CLVS1: variants seen among roughly 807,000 people sequenced by gnomAD.
CLVS1 encodes the protein clavesin 1.
CLVS1 carries 10 observed loss-of-function variants against 33.1 expected under a neutral mutation model. That is an observed-to-expected ratio of 0.30 (90% CI 0.19 to 0.51). The LOEUF is 0.51. CLVS1 is among the 20% of genes least tolerant of loss of function. The pLI is 0.97. For missense variants in CLVS1, 343 were observed against 433.4 expected, an observed-to-expected ratio of 0.79 and a Z score of 1.85; for synonymous variants, 163 against 166.1, an observed-to-expected ratio of 0.98 and a Z score of 0.14.
upstream of CLVS1, among the ~76,000 whole-genome samples, chr8:61,055,435 T>C (rs530976007): frequency 6.6e-6 from 1 of 152,352 alleles, no homozygotes; most frequent in Admixed American, 6.5e-5. Context: ...ACCGTATCAT[T>C]CACCCTTTTT....
At chr8:61,335,453 T>C (rs536967758) in intron 2 of CLVS1, among the ~76,000 whole-genome samples, 1 of 152,324 alleles carries the variant, frequency 6.6e-6, no homozygotes, top group East Asian at 1.9e-4. Context: ...TGTCATAATT[T>C]TGCAAAGGCA....
At chr8:61,081,939 G>A (rs28727432) in intron 1 of CLVS1, among the ~76,000 whole-genome samples, 2 of 152,094 alleles carry the variant, frequency 1.3e-5, no homozygotes, top group Non-Finnish European at 2.9e-5. Context: ...CATACTAAAC[G>A]ACAAAAGCAC....
intron 2 of CLVS1, among the ~76,000 whole-genome samples, chr8:61,337,341 G>A (rs1442917111): frequency 2.0e-5 from 3 of 152,036 alleles, no homozygotes; most frequent in South Asian, 4.2e-4. Flanking sequence ...CTTAGCCTCC[G>A]GTTTCTCTGT....
At chr8:61,002,137 C>T in the CLVS1 span, among the ~76,000 whole-genome samples, 1 of 151,874 alleles carries the variant, frequency 6.6e-6, no homozygotes, top group Non-Finnish European at 1.5e-5. Context: ...TGTTACCATG[C>T]CTGGCTAATT....
At chr8:61,402,841 A>C (rs1232596517) in intron 3 of CLVS1, among the ~76,000 whole-genome samples, 1 of 152,242 alleles carries the variant, frequency 6.6e-6, no homozygotes, top group Non-Finnish European at 1.5e-5. Context: ...ATAGCTATGA[A>C]TAAAAAAGAC....
At chr8:61,051,681 C>T in the CLVS1 span, among the ~76,000 whole-genome samples, 2 of 152,268 alleles carry the variant, frequency 1.3e-5, no homozygotes, top group Non-Finnish European at 2.9e-5. Context: ...TGTGGCTGAG[C>T]TGACTGGGTG....
At chr8:61,147,936 G>A (rs1012308656) in intron 2 of CLVS1, among the ~76,000 whole-genome samples, 13 of 152,214 alleles carry the variant, frequency 8.5e-5, no homozygotes, top group Admixed American at 2.0e-4. Flanking sequence ...AGTAAAGACA[G>A]AATTTTCAAA....
At chr8:61,375,857 A>G (rs1813618713) in intron 2 of CLVS1, among the ~76,000 whole-genome samples, 1 of 152,212 alleles carries the variant, frequency 6.6e-6, no homozygotes, top group Non-Finnish European at 1.5e-5. Flanking sequence ...TCTGAAAATT[A>G]TTTAAAACAA....
At chr8:61,329,368 T>C (rs914408521) in intron 2 of CLVS1, among the ~76,000 whole-genome samples, 1 of 152,206 alleles carries the variant, frequency 6.6e-6, no homozygotes, top group Non-Finnish European at 1.5e-5. Context: ...AATCCTACTA[T>C]GAAAGTTTGA....
chr8:61,269,094 T>C (rs1443940071), intron 2 of CLVS1, among the ~76,000 whole-genome samples: 2 of 149,238 alleles, frequency 1.3e-5, no homozygotes, highest in Admixed American at 1.3e-4. Flanking sequence ...TCCTTGCCCA[T>C]GCCTATGTCC....
At chr8:60,971,495 C>T in the CLVS1 span, among the ~76,000 whole-genome samples, 518 of 152,304 alleles carry the variant, frequency 3.4e-3, 4 homozygotes, top group African/African-American at 0.012. Flanking sequence ...CTCTTGCCTG[C>T]ATAGTGTCTG....
chr8:61,263,125 G>A (rs185899672), intron 2 of CLVS1, among the ~76,000 whole-genome samples: 2 of 152,214 alleles, frequency 1.3e-5, no homozygotes, highest in East Asian at 1.9e-4. Flanking sequence ...AGATGTCCCC[G>A]GCTAAGTATT....
intron 2 of CLVS1, among the ~76,000 whole-genome samples, chr8:61,176,798 C>T (rs960155432): frequency 1.3e-5 from 2 of 152,176 alleles, no homozygotes; most frequent in African/African-American, 2.4e-5. Flanking sequence ...CCTGGGAAAC[C>T]GTGCCTTTTC....
At chr8:61,041,333 T>C in the CLVS1 span, among the ~76,000 whole-genome samples, 1 of 152,306 alleles carries the variant, frequency 6.6e-6, no homozygotes, top group South Asian at 2.1e-4. Flanking sequence ...TCCAAATGAA[T>C]ATTAGAATAG....
intron 5 of CLVS1, among the ~76,000 whole-genome samples, chr8:61,458,887 C>T (rs1034660896): frequency 5.3e-5 from 8 of 152,128 alleles, no homozygotes; most frequent in African/African-American, 1.9e-4. Flanking sequence ...AAAAAATGTT[C>T]CTATCATTCA....
chr8:61,093,758 T>G (rs954364281), intron 1 of CLVS1, among the ~76,000 whole-genome samples: 1 of 152,246 alleles, frequency 6.6e-6, no homozygotes, highest in Non-Finnish European at 1.5e-5. Flanking sequence ...AAGAAATCAC[T>G]GCATTTATGT....
chr8:61,270,550 C>T (rs1383187082), intron 2 of CLVS1, among the ~76,000 whole-genome samples: 5 of 152,110 alleles, frequency 3.3e-5, no homozygotes, highest in Non-Finnish European at 7.3e-5. Flanking sequence ...GGGAGGATTC[C>T]CTCTTTTTCT....
At chr8:61,379,628 G>T in intron 3 of CLVS1, among the ~76,000 whole-genome samples, 1 of 152,152 alleles carries the variant, frequency 6.6e-6, no homozygotes, top group East Asian at 1.9e-4. Context: ...TACACGTTGG[G>T]TTGTTGACTA....
At chr8:61,359,097 A>G (rs991639605) in intron 2 of CLVS1, among the ~76,000 whole-genome samples, 1 of 152,148 alleles carries the variant, frequency 6.6e-6, no homozygotes, top group Non-Finnish European at 1.5e-5. Context: ...TTGCCTTGAG[A>G]AATGTTTTTG....
Sources: allele counts gnomAD v4.1 joint callset (sites outside exome capture counted in the v4.1 genomes callset), GRCh38; gene constraint gnomAD v4.1.1; transcripts MANE v1.5; gene names NCBI Gene and HGNC (gene_info 2026-07-23, HGNC 2026-07-21).